Variants in MKNK1 observed in about 807,000 individuals in gnomAD.
MKNK1 encodes the protein MAP kinase-interacting serine/threonine-protein kinase 1.
MKNK1 carries 30 observed loss-of-function variants against 49.3 expected under a neutral mutation model. The ratio of observed to expected loss-of-function variants is 0.61; its 90% CI spans 0.46 to 0.83. MKNK1 has a LOEUF of 0.83. Ranked by LOEUF, MKNK1 falls within the 40% of genes least tolerant of loss-of-function variation. The pLI is 0.00. For synonymous variants in MKNK1, 176 were observed against 201.7 expected, an observed-to-expected ratio of 0.87 and a Z score of 1.08; for missense variants, 423 against 524.7, an observed-to-expected ratio of 0.81 and a Z score of 1.89.
At position 46,565,082 on chromosome 1, in the gene MKNK1, T is replaced by C. The variant is rs756858392; in HGVS notation, c.568A>G (p.Asn190Asp). The change falls in exon 9 of 13, where the codon AAC becomes GAC. Residue 190 changes from asparagine to aspartate, a missense_variant. Coordinates refer to ENST00000371945, the MANE Select transcript of MKNK1 (RefSeq NM_001135553.4). The part of the protein sequence containing the change: ...FDLGSGMKLN[N>D]SCTPITTPEL... The stretch of plus-strand genomic sequence containing the variant: ...GGTGTGGTTATGGGGGTACAGGAGT[T>C]GTTCAGTTTCATCCCACTGCCCAAG... 1 of 1,614,130 alleles carries C rather than the reference T, an allele frequency of 6.2e-7. No homozygotes were observed.
chr1:46,577,116 A>G (rs1570185832), intron 4 of MKNK1, among the ~76,000 whole-genome samples: 1 of 152,348 alleles, frequency 6.6e-6, no homozygotes, highest in Non-Finnish European at 1.5e-5. Context: ...GGCTGCCTCC[A>G]CGATCCCCCT....
chr1:46,587,935 C>G (rs969907345), intron 2 of MKNK1, among the ~76,000 whole-genome samples: 1 of 152,138 alleles, frequency 6.6e-6, no homozygotes, highest in Non-Finnish European at 1.5e-5. Context: ...AAAGACTAGA[C>G]AGAAATACGT....
At chr1:46,597,119 G>A (rs947919011) in intron 1 of MKNK1, among the ~76,000 whole-genome samples, 3 of 152,008 alleles carry the variant, frequency 2.0e-5, no homozygotes, top group African/African-American at 4.8e-5. Context: ...GGCTGGGGTG[G>A]GGAAGGGTGA....
intron 2 of MKNK1, among the ~76,000 whole-genome samples, chr1:46,590,048 C>T (rs747817376): frequency 3.9e-5 from 6 of 152,102 alleles, no homozygotes; most frequent in Non-Finnish European, 4.4e-5. Flanking sequence ...CCTTTAAGAG[C>T]GATTTCCCTC....
chr1:46,603,635 G>C (rs907962622), intron 1 of MKNK1, among the ~76,000 whole-genome samples: 1 of 152,148 alleles, frequency 6.6e-6, no homozygotes, highest in Non-Finnish European at 1.5e-5. Context: ...CCCTGAAGTT[G>C]AGCACTTCTA....
chr1:46,581,508 C>CAAAAA (rs36099600), intron 3 of MKNK1, among the ~76,000 whole-genome samples: 12 of 41,650 alleles, frequency 2.9e-4, no homozygotes, highest in Non-Finnish European at 4.0e-4. Flanking sequence ...GACCCCATAT[C>CAAAAA]AAAAAAAAAA....
At chr1:46,565,332 T>C (rs1185331216) in intron 8 of MKNK1, 196 bp from the exon 9 acceptor site, 1 of 589,964 alleles carries the variant, frequency 1.7e-6, no homozygotes, top group Non-Finnish European at 3.0e-6. Context: ...CTGAGCTCTC[T>C]TATTTCCCAT....
Position 46,576,668 on chromosome 1 carries a change from A to G in MKNK1, c.199-14T>C, listed in dbSNP as rs1671013363. 1.2e-6 allele frequency: 2 copies of G among 1,612,928 alleles called. No individual in the cohort carries two copies. Among genetic ancestry groups the G allele is most frequent in the African/African-American group, 2.7e-5 (2 of 74,912 alleles). On this transcript the variant is annotated splice_polypyrimidine_tract_variant and intron_variant, in intron 4 of 12. Coordinates refer to ENST00000371945, the MANE Select transcript of MKNK1 (RefSeq NM_001135553.4). ...TTTCTCGATGATCTGTGGGAAGAAT[A>G]AAATCTGTCATGTACACCCACCTGA...
At chr1:46,603,871 G>C (rs1487286279) in intron 1 of MKNK1, among the ~76,000 whole-genome samples, 3 of 152,234 alleles carry the variant, frequency 2.0e-5, no homozygotes, top group Non-Finnish European at 2.9e-5. Context: ...AACTATTCAT[G>C]ATACTGGACT....
intron 7 of MKNK1, among the ~76,000 whole-genome samples, chr1:46,571,236 A>T (rs1670070903): frequency 6.6e-6 from 1 of 152,236 alleles, no homozygotes; most frequent in South Asian, 2.1e-4. Context: ...AGATACCTCA[A>T]ATGTACATGT....
intron 1 of MKNK1, among the ~76,000 whole-genome samples, chr1:46,600,141 C>A (rs567586636): frequency 6.6e-6 from 1 of 152,336 alleles, no homozygotes; most frequent in South Asian, 2.1e-4. Context: ...GGATTGATTT[C>A]TCCTTCTTCC....
chr1:46,603,460 C>T (rs1000349808), intron 1 of MKNK1, among the ~76,000 whole-genome samples: 1 of 152,184 alleles, frequency 6.6e-6, no homozygotes, highest in African/African-American at 2.4e-5. Flanking sequence ...ACATGACAGG[C>T]GCCATACTAG....
At chr1:46,565,167 G>C in intron 8 of MKNK1, 31 bp from the exon 9 acceptor site, 1 of 1,602,886 alleles carries the variant, frequency 6.2e-7, no homozygotes, top group Non-Finnish European at 8.5e-7. Flanking sequence ...CAGGGTCACA[G>C]ATATAAGAAA....
chr1:46,597,777 T>C (rs1340582061), intron 1 of MKNK1, among the ~76,000 whole-genome samples: 3 of 152,250 alleles, frequency 2.0e-5, no homozygotes, highest in Non-Finnish European at 2.9e-5. Flanking sequence ...CACTTCATAA[T>C]TGTTAATGAA....
intron 6 of MKNK1, chr1:46,574,638 T>C (rs1214414191): frequency 3.8e-6 from 1 of 261,662 alleles, no homozygotes; most frequent in Non-Finnish European, 7.3e-6. Context: ...CACCCCATAA[T>C]TAATGTAGTT....
intron 2 of MKNK1, chr1:46,585,815 C>T (rs1672474595): frequency 6.8e-6 from 6 of 883,772 alleles, no homozygotes; most frequent in South Asian, 3.8e-5. Context: ...TACCTCACAG[C>T]ACCACCGCAC....
At chr1:46,562,580 TG>T (rs1475785600) in intron 10 of MKNK1, 68 bp downstream of exon 10, 2 of 1,489,750 alleles carry the variant, frequency 1.3e-6, no homozygotes, top group African/African-American at 1.4e-5. Context: ...AGCCCAGTCC[TG>T]CTTGGCATCC....
At chr1:46,582,882 T>G in intron 3 of MKNK1, 1 of 496,346 alleles carries the variant, frequency 2.0e-6, no homozygotes, top group Non-Finnish European at 3.9e-6. Flanking sequence ...TAGTTCTATC[T>G]CTCAGCAGCC....
At chr1:46,590,071 T>C (rs1163177213) in intron 2 of MKNK1, among the ~76,000 whole-genome samples, 1 of 152,152 alleles carries the variant, frequency 6.6e-6, no homozygotes, top group Non-Finnish European at 1.5e-5. Flanking sequence ...CCACAAGAGC[T>C]TTCTTGAGAA....
Sources: gnomAD v4.1 joint callset for allele counts (sites outside exome capture counted in the v4.1 genomes callset) on GRCh38, gnomAD v4.1.1 for gene constraint, MANE v1.5 for transcripts, NCBI Gene and HGNC (gene_info 2026-07-23, HGNC 2026-07-21) for gene names.